Variants in MMD2 observed in about 807,000 individuals in gnomAD.
The protein encoded by MMD2 is monocyte to macrophage differentiation associated 2.
In MMD2, 30 loss-of-function variants were observed where a neutral mutation model predicts 33.5. That is an observed-to-expected ratio of 0.90 (90% CI 0.67 to 1.22). MMD2 has a LOEUF of 1.22. MMD2 is among the 50% of genes most tolerant of loss of function. The probability of loss-of-function intolerance (pLI) is 0.00; values close to 1 mark genes in which losing one functional copy is unlikely to be tolerated. For missense variants in MMD2, 364 were observed against 325.4 expected (o/e 1.12, Z -0.91); for synonymous variants, 129 against 123.0 (o/e 1.05, Z -0.32).
chr7:4,901,973 G>A (rs300534), downstream of MMD2, among the ~76,000 whole-genome samples: 82,725 of 151,994 alleles, frequency 0.54, 23,432 homozygotes, highest in East Asian at 0.84. Context: ...TTTTTTTGAC[G>A]TGGAATCTCG....
intron 1 of MMD2, among the ~76,000 whole-genome samples, chr7:4,942,909 C>T (rs981476411): frequency 4.0e-5 from 6 of 151,898 alleles, no homozygotes; most frequent in African/African-American, 1.4e-4. Context: ...AGCCACCGCG[C>T]CAGGCCCCAT....
Position 4,916,066 on chromosome 7 carries a change from A to G in MMD2, c.304T>C (p.Cys102Arg). The G allele has an allele frequency of 6.2e-7, 1 of 1,613,772 alleles. No homozygotes were observed. The part of the protein sequence containing the change: ...KKSHLRMVEH[C>R]LHMFDRMVIY... ...ACCATCCGGTCGAACATGTGTAGAC[A>G]GTGTTCCACCATCCTAGGGCGGCAG... The change falls in exon 4 of 7, where the codon TGT (cysteine) becomes CGT (arginine). Residue 102 changes from cysteine (C) to arginine (R), a missense_variant. Cys to Arg is a radical substitution (Grantham distance 180). Coordinates refer to ENST00000401401, the MANE Select transcript of MMD2 (RefSeq NM_198403.4).
At chr7:4,937,598 T>C (rs1224736840) in intron 1 of MMD2, among the ~76,000 whole-genome samples, 1 of 152,128 alleles carries the variant, frequency 6.6e-6, no homozygotes, top group African/African-American at 2.4e-5. Flanking sequence ...AGCCTCCAAC[T>C]CCTGGATTCA....
At chr7:4,930,469 A>G (rs1237551132) in intron 1 of MMD2, among the ~76,000 whole-genome samples, 2 of 151,164 alleles carry the variant, frequency 1.3e-5, no homozygotes, top group Non-Finnish European at 2.9e-5. Context: ...GCAATACCCC[A>G]TCTCTACTAA....
At chr7:4,930,941 C>T (rs1319553572) in intron 1 of MMD2, among the ~76,000 whole-genome samples, 1 of 152,068 alleles carries the variant, frequency 6.6e-6, no homozygotes, top group Non-Finnish European at 1.5e-5. Context: ...ACCTTCGCCT[C>T]CTGGGTTCAA....
intron 1 of MMD2, among the ~76,000 whole-genome samples, chr7:4,939,214 A>C (rs894761768): frequency 2.6e-5 from 4 of 151,326 alleles, no homozygotes; most frequent in South Asian, 4.2e-4. Context: ...AAAAAAACCC[A>C]AAAAAAACAA....
chr7:4,931,771 C>T (rs1420274265), intron 1 of MMD2, among the ~76,000 whole-genome samples: 3 of 150,626 alleles, frequency 2.0e-5, no homozygotes, highest in South Asian at 2.1e-4. Context: ...TGCTCTGTTG[C>T]CCAGGCTGGT....
intron 1 of MMD2, among the ~76,000 whole-genome samples, chr7:4,926,738 C>CT (rs1000278505): frequency 3.3e-5 from 5 of 151,942 alleles, no homozygotes; most frequent in Non-Finnish European, 7.4e-5. Context: ...TGGTAGTTTT[C>CT]TTTTTTTCTT....
chr7:4,918,968 G>A (rs1785208083), intron 3 of MMD2, among the ~76,000 whole-genome samples: 1 of 151,784 alleles, frequency 6.6e-6, no homozygotes, highest in African/African-American at 2.4e-5. Flanking sequence ...ATGAGGTGGT[G>A]CATGCCTGTA....
At chr7:4,934,872 AG>A in intron 1 of MMD2, among the ~76,000 whole-genome samples, 1 of 152,218 alleles carries the variant, frequency 6.6e-6, no homozygotes, top group East Asian at 1.9e-4. Flanking sequence ...AATATTACCT[AG>A]CCAGCAGGTG....
Position 4,946,030 on chromosome 7 carries a change from T to C in MMD2, c.47+12941A>G, listed in dbSNP as rs188939257. On this transcript the variant is annotated intron_variant, in intron 1 of 6. Coordinates refer to ENST00000401401, the MANE Select transcript of MMD2 (RefSeq NM_198403.4). This position sits in a 1 kb window ranked among gnomAD's most constrained non-coding sequence, Gnocchi z 5.0. ...CAGCTGCCTGCTCAGAGAAGATTCCTCTGGAGACGTACACCTCTCTGGGGC... is the reference window on the plus strand; with the variant it reads ...CAGCTGCCTGCTCAGAGAAGATTCCCCTGGAGACGTACACCTCTCTGGGGC... Among the ~76,000 whole-genome samples the C allele has an allele frequency of 3.3e-3, 498 of 152,148 alleles. 2 individuals carry two copies. Among genetic ancestry groups the C allele is most frequent in the African/African-American group, 0.012 (483 of 41,566 alleles).
chr7:4,905,612 C>T (rs1017513239), downstream of MMD2, among the ~76,000 whole-genome samples: 14 of 152,094 alleles, frequency 9.2e-5, no homozygotes, highest in African/African-American at 3.4e-4. This position sits in a 1 kb window ranked among gnomAD's most constrained non-coding sequence, Gnocchi z 5.0. Context: ...TGGCATGGTG[C>T]CACGCCTTGG....
rs968264485 is a variant in MMD2, at chr7:4,940,487, G to A, written c.48-14955C>T. 5.9e-5 allele frequency among the ~76,000 whole-genome samples: 9 copies of A among 152,226 alleles called. No homozygotes were observed. The highest frequency in any genetic ancestry group is 2.2e-4 in the African/African-American group (9 of 41,466). The stretch of plus-strand genomic sequence containing the variant: ...TTGCCCGGGCTCCTACACAAAGGGG[G>A]TTCTGTCCGTCTGTCCCACAGAGGC... On this transcript the variant is annotated intron_variant, in intron 1 of 6. Coordinates refer to ENST00000401401, the MANE Select transcript of MMD2 (RefSeq NM_198403.4). This position sits in a 1 kb window ranked among gnomAD's most constrained non-coding sequence, Gnocchi z 5.0.
intron 1 of MMD2, among the ~76,000 whole-genome samples, chr7:4,936,849 C>A (rs553711755): frequency 6.6e-6 from 1 of 152,124 alleles, no homozygotes; most frequent in East Asian, 2.0e-4. Flanking sequence ...ATTCTCTTCC[C>A]TCAGCCTCCC....
the MMD2 span, among the ~76,000 whole-genome samples, chr7:4,896,791 G>A: frequency 3.1e-4 from 47 of 152,002 alleles, no homozygotes; most frequent in African/African-American, 1.1e-3. Context: ...TTTCTTTAGT[G>A]TTACTCCACC....
chr7:4,952,006 G>T (rs1377253478), intron 1 of MMD2, among the ~76,000 whole-genome samples: 1 of 152,194 alleles, frequency 6.6e-6, no homozygotes, highest in Non-Finnish European at 1.5e-5. Context: ...AAAGTGCTGG[G>T]ACTACAGGCT....
chr7:4,896,923 A>T, the MMD2 span, among the ~76,000 whole-genome samples: 1 of 151,754 alleles, frequency 6.6e-6, no homozygotes, highest in Non-Finnish European at 1.5e-5. Flanking sequence ...GTAGTGGCCC[A>T]GTCTCAGCTC....
chr7:4,912,986 G>C (rs1200349753), intron 4 of MMD2, among the ~76,000 whole-genome samples: 1 of 152,206 alleles, frequency 6.6e-6, no homozygotes, highest in Non-Finnish European at 1.5e-5. Flanking sequence ...TTACAGGCGT[G>C]AGCCACGCGC....
rs1733904226 is a variant in MMD2, at chr7:4,913,922, A to G, written c.365+2083T>C. 2.6e-5 allele frequency among the ~76,000 whole-genome samples: 4 copies of G among 151,862 alleles called. No individual in the cohort carries two copies. The South Asian group carries it at 8.3e-4, about 31-fold the overall frequency. ...ATGATCTGCCCACCACAGCCTCCCA[A>G]AGTGCTGGGATTACAGGCGTTAGCC... On this transcript the variant is annotated intron_variant, in intron 4 of 6. Coordinates refer to ENST00000401401, the MANE Select transcript of MMD2 (RefSeq NM_198403.4).
Sources: gnomAD v4.1 joint callset for allele counts (sites outside exome capture counted in the v4.1 genomes callset) on GRCh38, gnomAD v4.1.1 for gene constraint, Gnocchi (gnomAD v3.1) non-coding constraint, MANE v1.5 for transcripts, NCBI Gene and HGNC (gene_info 2026-07-23, HGNC 2026-07-21) for gene names.